Variants in ZHX2 observed in about 807,000 individuals in gnomAD.
The protein encoded by ZHX2 is zinc fingers and homeoboxes 2.
Under a neutral mutation model 21.9 loss-of-function variants are expected in ZHX2, and 6 were observed. The ratio of observed to expected loss-of-function variants is 0.27; its 90% CI spans 0.15 to 0.54. ZHX2 has a LOEUF of 0.54. Among genes scored for constraint, ZHX2 ranks in the 20% least tolerant of loss-of-function variants. The pLI, the probability that ZHX2 is intolerant of heterozygous loss-of-function variation, is 0.95. For synonymous variants in ZHX2, 434 were observed against 437.1 expected (o/e 0.99, Z 0.09); for missense variants, 908 against 1,090.7 (o/e 0.83, Z 2.36).
intron 2 of ZHX2, among the ~76,000 whole-genome samples, chr8:122,882,314 C>G (rs73711230): frequency 0.02 from 2,893 of 148,230 alleles, 32 homozygotes; most frequent in South Asian, 0.035. Context: ...CACACACACA[C>G]AGAGAGAGAG....
At position 122,832,121 on chromosome 8, in the gene ZHX2, G is replaced by C. The variant is rs554602614; in HGVS notation, c.-282-31356G>C. Among the ~76,000 whole-genome samples, 3 of 152,244 alleles carry C rather than the reference G, an allele frequency of 2.0e-5. 1 individual carries two copies. The South Asian group carries it at 6.2e-4, about 32-fold the overall frequency. ...ACAGTGTTTACACAGAAATGTGTAGGGTCTTGGGCAGTTGCAGCTTCAGGT... is the reference window on the plus strand; with the variant it reads ...ACAGTGTTTACACAGAAATGTGTAGCGTCTTGGGCAGTTGCAGCTTCAGGT... On this transcript the variant is annotated intron_variant, in intron 1 of 3. Coordinates refer to ENST00000314393, the MANE Select transcript of ZHX2 (RefSeq NM_014943.5).
At chr8:122,894,917 A>G (rs987263610) in intron 2 of ZHX2, among the ~76,000 whole-genome samples, 1 of 152,206 alleles carries the variant, frequency 6.6e-6, no homozygotes, top group Non-Finnish European at 1.5e-5. Flanking sequence ...AGTGTCTGGT[A>G]TAGTGACTGA....
At chr8:122,789,164 G>A (rs1817460897) in intron 1 of ZHX2, among the ~76,000 whole-genome samples, 1 of 152,360 alleles carries the variant, frequency 6.6e-6, no homozygotes, top group Admixed American at 6.5e-5. Flanking sequence ...GGAGGGTGGA[G>A]AATGGCTGTG....
At chr8:122,815,925 C>A (rs1035494591) in intron 1 of ZHX2, among the ~76,000 whole-genome samples, 1 of 151,868 alleles carries the variant, frequency 6.6e-6, no homozygotes. Context: ...ACTGAAAATA[C>A]AAAAATTAGC....
chr8:122,793,119 A>T (rs568199367), intron 1 of ZHX2, among the ~76,000 whole-genome samples: 1 of 152,292 alleles, frequency 6.6e-6, no homozygotes, highest in East Asian at 1.9e-4. Flanking sequence ...ATTACAGGGG[A>T]TCATACCTGT....
intron 3 of ZHX2, among the ~76,000 whole-genome samples, chr8:122,966,576 G>A (rs1439395566): frequency 6.6e-6 from 1 of 152,120 alleles, no homozygotes; most frequent in Non-Finnish European, 1.5e-5. Flanking sequence ...TTGCCTCACA[G>A]GTCTTAAGAT....
chr8:122,920,060 G>A (rs1433597346), intron 2 of ZHX2, among the ~76,000 whole-genome samples: 1 of 152,132 alleles, frequency 6.6e-6, no homozygotes, highest in Non-Finnish European at 1.5e-5. Context: ...GGTCATCTGA[G>A]GTCAGGAGTT....
chr8:122,871,144 G>A (rs1314084391), intron 2 of ZHX2, among the ~76,000 whole-genome samples: 2 of 152,112 alleles, frequency 1.3e-5, no homozygotes, highest in Non-Finnish European at 2.9e-5. Flanking sequence ...TGGAGAGATC[G>A]TTTAACTTTC....
intron 2 of ZHX2, among the ~76,000 whole-genome samples, chr8:122,881,530 A>C (rs969921027): frequency 1.3e-5 from 2 of 152,270 alleles, no homozygotes; most frequent in African/African-American, 4.8e-5. Flanking sequence ...TATCTGGAGT[A>C]AACATAGGAA....
At chr8:122,968,061 C>T (rs1158161423) in intron 3 of ZHX2, among the ~76,000 whole-genome samples, 1 of 151,964 alleles carries the variant, frequency 6.6e-6, no homozygotes. Flanking sequence ...AAAGGTAGCT[C>T]GTGCAAGTCT....
chr8:122,806,242 G>A (rs187560278), intron 1 of ZHX2, among the ~76,000 whole-genome samples: 1 of 152,248 alleles, frequency 6.6e-6, no homozygotes, highest in East Asian at 1.9e-4. Context: ...CCTAATTGTG[G>A]GGCTTAGGTT....
intron 2 of ZHX2, among the ~76,000 whole-genome samples, chr8:122,910,287 T>C (rs182888246): frequency 1.3e-5 from 2 of 152,236 alleles, no homozygotes; most frequent in East Asian, 3.9e-4. Context: ...ATTATCTTGG[T>C]TTTGCAGATG....
intron 2 of ZHX2, among the ~76,000 whole-genome samples, chr8:122,923,251 G>A (rs1185490615): frequency 2.0e-5 from 3 of 152,222 alleles, no homozygotes; most frequent in Non-Finnish European, 4.4e-5. Context: ...GACTGTAGCA[G>A]TTATGGCTTG....
chr8:122,868,172 T>G (rs1819342860), intron 2 of ZHX2, among the ~76,000 whole-genome samples: 1 of 152,176 alleles, frequency 6.6e-6, no homozygotes. Flanking sequence ...TGTCCACACC[T>G]GAATTCCATT....
intron 3 of ZHX2, among the ~76,000 whole-genome samples, chr8:122,962,711 A>G (rs1057146891): frequency 1.3e-5 from 2 of 152,182 alleles, no homozygotes; most frequent in Non-Finnish European, 2.9e-5. Flanking sequence ...ACTGTTTTTC[A>G]TAGTGGTTGT....
intron 2 of ZHX2, among the ~76,000 whole-genome samples, chr8:122,885,286 G>A (rs1156353150): frequency 6.6e-6 from 1 of 152,220 alleles, no homozygotes. Flanking sequence ...TGGCAAGTCA[G>A]TAAAAGCTTA....
At chr8:122,923,147 A>G (rs1563585681) in intron 2 of ZHX2, among the ~76,000 whole-genome samples, 1 of 152,254 alleles carries the variant, frequency 6.6e-6, no homozygotes, top group East Asian at 1.9e-4. Context: ...CTGGTGAACT[A>G]TTGCTGCACA....
chr8:122,890,768 G>A (rs1247610178), intron 2 of ZHX2, among the ~76,000 whole-genome samples: 3 of 152,036 alleles, frequency 2.0e-5, no homozygotes, highest in African/African-American at 4.8e-5. Context: ...TTCGTTATTG[G>A]TATATGGAAA....
At chr8:122,868,270 G>C (rs556527003) in intron 2 of ZHX2, among the ~76,000 whole-genome samples, 3 of 152,060 alleles carry the variant, frequency 2.0e-5, no homozygotes, top group African/African-American at 7.2e-5. Context: ...TGTTAATAAC[G>C]GGTAAGAAGT....
Sources: allele counts gnomAD v4.1 joint callset (sites outside exome capture counted in the v4.1 genomes callset), GRCh38; gene constraint gnomAD v4.1.1; transcripts MANE v1.5; gene names NCBI Gene and HGNC (gene_info 2026-07-23, HGNC 2026-07-21).